The following LRRC45 variants were observed in gnomAD, a reference collection of about 807,000 sequenced individuals.
LRRC45 encodes the protein leucine rich repeat containing 45.
In LRRC45, 73 loss-of-function variants were observed where a neutral mutation model predicts 85.4. The observed-to-expected ratio is 0.85, with a 90% CI of 0.71 to 1.04. The LOEUF is 1.04. Ranked by LOEUF, LRRC45 falls within the 50% of genes least tolerant of loss-of-function variation. The probability of loss-of-function intolerance (pLI) is 0.00; values close to 1 mark genes in which losing one functional copy is unlikely to be tolerated. For missense variants in LRRC45, 937 were observed against 883.3 expected, an observed-to-expected ratio of 1.06 and a Z score of -0.77; for synonymous variants, 429 against 386.0, an observed-to-expected ratio of 1.11 and a Z score of -1.31.
chr17:82,026,859 C>T (rs1471853447), intron 5 of LRRC45, 40 bp from the exon 6 acceptor site: 1 of 1,531,376 alleles, frequency 6.5e-7, no homozygotes, highest in Non-Finnish European at 8.9e-7. Context: ...GGATTCCAGG[C>T]ATGAGCCCCT....
At chr17:82,024,931 TC>T in intron 3 of LRRC45, 68 bp from the exon 4 acceptor site, 1 of 1,461,552 alleles carries the variant, frequency 6.8e-7, no homozygotes, top group Non-Finnish European at 9.1e-7. Context: ...CCCACACCCG[TC>T]CCCAAGCCCT....
chr17:82,024,083 A>G (rs1353828055), intron 1 of LRRC45, 195 bp from the exon 2 acceptor site: 4 of 748,744 alleles, frequency 5.3e-6, no homozygotes, highest in African/African-American at 5.3e-5. Context: ...CCGCGTGCAG[A>G]GCCGGCTTGG....
chr17:82,028,342 A>G (rs1056288871), intron 10 of LRRC45, 31 bp downstream of exon 10: 3 of 1,605,418 alleles, frequency 1.9e-6, no homozygotes, highest in Middle Eastern at 1.7e-4. Context: ...CAGGGAGCCC[A>G]GGGTGGGCGC....
At chr17:82,029,292 A>G (rs1312555069) in intron 13 of LRRC45, 107 bp downstream of exon 13, 4 of 1,144,010 alleles carry the variant, frequency 3.5e-6, no homozygotes, top group South Asian at 1.5e-5. Context: ...TCCTGTTCCC[A>G]GAGGCTCATA....
Position 82,025,046 on chromosome 17 carries a change from G to A in LRRC45, c.400G>A (p.Ala134Thr), listed in dbSNP as rs749215699. Residue 134 changes from alanine to threonine, a missense_variant, in exon 4 of 17, where the codon GCC (alanine) becomes ACC (threonine). Physicochemically the swap from Ala to Thr is moderately conservative, Grantham distance 58. Transcript: ENST00000306688. Reference sequence around the variant, plus strand: ...CCTGGGCACGTGGGACGATGCCTTCGCCACCTTCTGCGGGGGCCTGGCGGC... The same window carrying A: ...CCTGGGCACGTGGGACGATGCCTTCACCACCTTCTGCGGGGGCCTGGCGGC... ...NSLGTWDDAF[A>T]TFCGGLAANG... The A allele has an allele frequency of 2.7e-5, 43 of 1,605,972 alleles. No individual in the cohort carries two copies. The highest frequency in any genetic ancestry group is 3.5e-5 in the Non-Finnish European group (41 of 1,176,908).
chr17:82,027,377 T>C lies in LRRC45; in HGVS notation c.775-9T>C. The C allele has an allele frequency of 6.2e-7, 1 of 1,612,576 alleles. No homozygotes were observed. The highest frequency in any genetic ancestry group is 8.5e-7 in the Non-Finnish European group (1 of 1,179,936). On this transcript the variant is annotated splice_polypyrimidine_tract_variant and intron_variant, in intron 6 of 16. Coordinates refer to ENST00000306688, the MANE Select transcript of LRRC45 (RefSeq NM_144999.4). ...GCCCTGACAGGGCTGCGGCTGTCTC[T>C]GTCCCCAGTTCCTCGACTTGATGGA...
At position 82,030,062 on chromosome 17, in the gene LRRC45, CA is replaced by C; in HGVS notation, c.1495-2del. On this transcript the variant is annotated splice_acceptor_variant, in intron 14 of 16. Coordinates refer to ENST00000306688, the MANE Select transcript of LRRC45 (RefSeq NM_144999.4). LOFTEE classifies it high-confidence loss of function. Reference sequence around the variant, plus strand: ...TGCTTCGTGGCGGCCCCTGTGCTCACAGCAACAGCGCCTGGCTCACCTGGAG... The same window carrying C: ...TGCTTCGTGGCGGCCCCTGTGCTCACGCAACAGCGCCTGGCTCACCTGGAG... 6.5e-7 allele frequency: 1 copy of C among 1,543,098 alleles called. No individual in the cohort carries two copies. The highest frequency in any genetic ancestry group is 8.7e-7 in the Non-Finnish European group (1 of 1,146,684).
Position 82,027,697 on chromosome 17 carries a change from A to G in LRRC45, c.857A>G (p.Gln286Arg). Residue 286 changes from glutamine (Q) to arginine (R), a missense_variant, in exon 8 of 17, where the codon CAG becomes CGG. Physicochemically the swap from Gln to Arg is conservative, Grantham distance 43. Coordinates refer to ENST00000306688, the MANE Select transcript of LRRC45 (RefSeq NM_144999.4). The stretch of plus-strand genomic sequence containing the variant: ...AGGGCGTCGGCAGCCCGTGTAGGGC[A>G]GCTTCAGGAAGCCCTGAATGAGAGG... ...SSRASAARVG[Q>R]LQEALNERHS... 1 of 1,610,914 alleles carries G rather than the reference A, an allele frequency of 6.2e-7. No homozygotes were observed. The highest frequency in any genetic ancestry group is 8.5e-7 in the Non-Finnish European group (1 of 1,179,186).
chr17:82,028,268 A>G lies in LRRC45; in HGVS notation c.1082A>G (p.Asp361Gly). The change falls in exon 10 of 17, where the codon GAC becomes GGC. Residue 361 changes from aspartate to glycine, a missense_variant. Physicochemically the swap from Asp to Gly is moderately conservative, Grantham distance 94 (BLOSUM62 -1). Transcript: ENST00000306688. Reference sequence around the variant, plus strand: ...GAGCGGGAGTCTAAACTCCTCAGAGACTTGTCTGCTGCCAATGAAAAGAAC... The same window carrying G: ...GAGCGGGAGTCTAAACTCCTCAGAGGCTTGTCTGCTGCCAATGAAAAGAAC... ...AAERESKLLR[D>G]LSAANEKNLL... 1 of 1,581,338 alleles carries G rather than the reference A, an allele frequency of 6.3e-7. No individual in the cohort carries two copies. Among genetic ancestry groups the G allele is most frequent in the Non-Finnish European group, 8.6e-7 (1 of 1,163,752 alleles).
At position 82,030,108 on chromosome 17, in the gene LRRC45, C is replaced by G. The variant is rs377433201; in HGVS notation, c.1538C>G (p.Ala513Gly). The G allele has an allele frequency of 8.4e-6, 13 of 1,547,070 alleles. No individual in the cohort carries two copies. In the Admixed American group the frequency reaches 2.0e-4, roughly 23 times the overall value. The change falls in exon 15 of 17, where the codon GCG becomes GGG. Residue 513 changes from alanine (A) to glycine (G), a missense_variant. Transcript: ENST00000306688. ...CTGGAGGACAAGCTGAGACTGCTGG[C>G]GCAGGCACGGGACGAGGCGCAGGGC... ...AHLEDKLRLL[A>G]QARDEAQGAC...
chr17:82,029,541 A>G lies in LRRC45; in HGVS notation c.1402-2A>G, dbSNP rs766189864. 1.0e-5 allele frequency: 16 copies of G among 1,565,590 alleles called. No homozygotes were observed. In the South Asian group the frequency reaches 1.6e-4, roughly 16 times the overall value. ...CGGGCTGGCAGGTGGCCATCTGTGC[A>G]GGAGCTGAGCCGAGTGAAAGCAGCG... On this transcript the variant is annotated splice_acceptor_variant, in intron 13 of 16. Coordinates refer to ENST00000306688, the MANE Select transcript of LRRC45 (RefSeq NM_144999.4). LOFTEE classifies it high-confidence loss of function.
chr17:82,028,185 G>A (rs1490940116), intron 9 of LRRC45, 39 bp downstream of exon 9: 4 of 1,560,088 alleles, frequency 2.6e-6, no homozygotes, highest in Admixed American at 1.9e-5. Context: ...GCCAAGGGGT[G>A]CGTGGCGGCT....
Position 82,025,385 on chromosome 17 carries a change from G to A in LRRC45, c.539G>A (p.Arg180His), listed in dbSNP as rs950299903. 3 of 1,583,912 alleles carry A rather than the reference G, an allele frequency of 1.9e-6. No individual in the cohort carries two copies. Among genetic ancestry groups the A allele is most frequent in the East Asian group, 2.2e-5 (1 of 44,448 alleles). The change falls in exon 5 of 17, where the codon CGC becomes CAC. Residue 180 changes from arginine (R) to histidine (H), a missense_variant. Physicochemically the swap from Arg to His is conservative, Grantham distance 29. Coordinates refer to ENST00000306688, the MANE Select transcript of LRRC45 (RefSeq NM_144999.4). ...ACTACAGGTTTCCTTCCAGACCTGCGCTGGAATAACGTTGGCCTCCTGGGG... is the reference window on the plus strand; with the variant it reads ...ACTACAGGTTTCCTTCCAGACCTGCACTGGAATAACGTTGGCCTCCTGGGG... ...GNTTLQQLDL[R>H]WNNVGLLGGR... is the part of the protein sequence containing the mutation.
intron 5 of LRRC45, 27 bp downstream of exon 5, chr17:82,025,534 C>T (rs370914482): frequency 1.4e-4 from 205 of 1,517,150 alleles, no homozygotes; most frequent in Non-Finnish European, 1.7e-4. Flanking sequence ...TGTGGAGTGA[C>T]GCGTGAGCCT....
chr17:82,029,158 G>A lies in LRRC45; in HGVS notation c.1374G>A (p.Leu458=), dbSNP rs2043394042. 2.5e-6 allele frequency: 4 copies of A among 1,612,122 alleles called. No homozygotes were observed. The highest frequency in any genetic ancestry group is 3.4e-6 in the Non-Finnish European group (4 of 1,179,784). The change falls in exon 13 of 17, where the codon CTG becomes CTA. Residue 458 remains leucine, a synonymous_variant. Transcript: ENST00000306688. ...CCATGCAGGAGCGGGTGCAGAGGCT[G>A]GAGGCGGCGCGGCTGTCCCTGGAGG... The part of the protein sequence containing the change: ...EKAMQERVQR[L]EAARLSLEEE...
Position 82,024,736 on chromosome 17 carries a change from T to C in LRRC45, c.326T>C (p.Leu109Pro). ...RAAGAEALGKLLQQNKSIQSL... is the reference protein window; with the variant it reads ...RAAGAEALGKPLQQNKSIQSL... ...GCAGGGGCCGAGGCTCTGGGAAAAC[T>C]CCTCCAACAGAACAAGTCCATTCAG... The change falls in exon 3 of 17, where the codon CTC (leucine) becomes CCC (proline). Residue 109 changes from leucine to proline, a missense_variant. Coordinates refer to ENST00000306688, the MANE Select transcript of LRRC45 (RefSeq NM_144999.4). 8 of 1,577,898 alleles carry C rather than the reference T, an allele frequency of 5.1e-6. No individual in the cohort carries two copies. Among genetic ancestry groups the C allele is most frequent in the Non-Finnish European group, 6.9e-6 (8 of 1,166,188 alleles).
chr17:82,024,777 C>G lies in LRRC45; in HGVS notation c.353+14C>G, dbSNP rs199560297. The G allele has an allele frequency of 5.3e-5, 83 of 1,571,330 alleles. 1 individual carries two copies. In the East Asian group the frequency reaches 1.9e-3, roughly 35 times the overall value. The stretch of plus-strand genomic sequence containing the variant: ...GTCCATTCAGAGGTGGGTGGTGGTC[C>G]CGACCCCAGGCCCTGTCTCTGTGTG... On this transcript the variant is annotated intron_variant, in intron 3 of 16. Coordinates refer to ENST00000306688, the MANE Select transcript of LRRC45 (RefSeq NM_144999.4).
chr17:82,023,822 G>A lies in LRRC45; in HGVS notation c.179G>A (p.Cys60Tyr). The change falls in exon 1 of 17, where the codon TGC becomes TAC. Residue 60 changes from cysteine (C) to tyrosine (Y), a missense_variant. Coordinates refer to ENST00000306688, the MANE Select transcript of LRRC45 (RefSeq NM_144999.4). ...LGKLLPRETL[C>Y]TELVLSDCML... The stretch of plus-strand genomic sequence containing the variant: ...AAGCTGCTGCCGAGGGAGACGCTGT[G>A]CACGGAGCTGGTCCTGAGTGACTGC... 1 of 1,568,906 alleles carries A rather than the reference G, an allele frequency of 6.4e-7. No homozygotes were observed. Among genetic ancestry groups the A allele is most frequent in the Non-Finnish European group, 8.6e-7 (1 of 1,159,162 alleles).
chr17:82,026,601 A>T (rs865955050), intron 5 of LRRC45, among the ~76,000 whole-genome samples: 21 of 51,134 alleles, frequency 4.1e-4, no homozygotes, highest in Admixed American at 5.4e-4. Context: ...TGTGTGTGTG[A>T]CTGAGTTTCA....
Sources: gnomAD v4.1 joint callset for allele counts (sites outside exome capture counted in the v4.1 genomes callset) on GRCh38, gnomAD v4.1.1 for gene constraint, MANE v1.5 for transcripts, NCBI Gene and HGNC (gene_info 2026-07-23, HGNC 2026-07-21) for gene names.